The following SEC22C variants were observed in gnomAD, a reference collection of about 807,000 sequenced individuals.
The protein encoded by SEC22C is vesicle-trafficking protein SEC22c.
In SEC22C, 29 loss-of-function variants were observed where a neutral mutation model predicts 34.7. The observed-to-expected ratio is 0.84, with a 90% confidence interval of 0.62 to 1.14. SEC22C has a LOEUF of 1.14. Ranked by LOEUF, SEC22C falls within the 50% of genes most tolerant of loss-of-function variation. The pLI, the probability that SEC22C is intolerant of heterozygous loss-of-function variation, is 0.00. For missense variants in SEC22C, 337 were observed against 369.0 expected, an observed-to-expected ratio of 0.91 and a Z score of 0.71; for synonymous variants, 117 against 132.8, an observed-to-expected ratio of 0.88 and a Z score of 0.82.
rs1405335217 is a variant in SEC22C, at chr3:42,594,654, G to A, written c.-28+6306C>T. 8.4e-6 allele frequency: 5 copies of A among 592,364 alleles called. No individual in the cohort carries two copies. In the South Asian group the frequency reaches 9.9e-5, roughly 12 times the overall value. The allele number at this position is 592,364 out of a possible 1,614,324, so 36.7% of individuals were successfully genotyped here. A position where few individuals can be genotyped will look rare whatever the true frequency, so the allele number is the denominator to read the frequency against. ...GAAACCTCTGTGGCTCTTTCGAAACGTGAAAATGTGAAGAAAGCTACTAAC... is the reference window on the plus strand; with the variant it reads ...GAAACCTCTGTGGCTCTTTCGAAACATGAAAATGTGAAGAAAGCTACTAAC... On this transcript the variant is annotated intron_variant, in intron 1 of 6. Coordinates refer to the SEC22C transcript ENST00000417572.
chr3:42,589,077 A>G (rs1704718204), intron 1 of SEC22C, among the ~76,000 whole-genome samples: 1 of 151,994 alleles, frequency 6.6e-6, no homozygotes, highest in African/African-American at 2.4e-5. Context: ...AGCCTGACCA[A>G]TATGGTGAAA....
In SEC22C at chr3:42,548,533, T is replaced by C; in HGVS notation, c.*4715A>G. 3 of 1,523,360 alleles carry C rather than the reference T, an allele frequency of 2.0e-6. No individual in the cohort carries two copies. Among genetic ancestry groups the C allele is most frequent in the Middle Eastern group, 2.3e-4 (1 of 4,440 alleles). 94.4% of individuals were successfully genotyped at this position (1,523,360 alleles called of 1,614,324 possible). A position where few individuals can be genotyped will look rare whatever the true frequency, so the allele number is the denominator to read the frequency against. ...TTCCACAGGCTCCCTGCTGATGAGA[T>C]TTCCCCAGCAGCAGAAGTTTGACAT... On this transcript the variant is annotated 3_prime_UTR_variant, in exon 7 of 7. Coordinates refer to ENST00000264454, the MANE Select transcript of SEC22C (RefSeq NM_032970.4).
At chr3:42,584,728 A>G (rs141974261), upstream of SEC22C, among the ~76,000 whole-genome samples, 2 of 152,200 alleles carry the variant, frequency 1.3e-5, no homozygotes, top group African/African-American at 4.8e-5. Context: ...CCCTCCCACA[A>G]TGAGTCTCTG....
At chr3:42,591,781 C>G (rs1289329674) in intron 1 of SEC22C, among the ~76,000 whole-genome samples, 2 of 152,190 alleles carry the variant, frequency 1.3e-5, no homozygotes, top group Non-Finnish European at 2.9e-5. Flanking sequence ...GAGTACACTG[C>G]GGAGCCTGGA....
rs577358960 is a variant in SEC22C, at chr3:42,589,319, G to A, written c.-28+11641C>T. On this transcript the variant is annotated intron_variant, in intron 1 of 6. Coordinates refer to the SEC22C transcript ENST00000417572. ...ATGAAAGCTGCCTTTTCACAGGTTT[G>A]AATAAAGGGATTGTGGAGAGAAAGC... is the stretch of plus-strand genomic sequence containing the variant. 7.6e-4 allele frequency among the ~76,000 whole-genome samples: 115 copies of A among 152,214 alleles called. 1 individual carries two copies. The highest frequency in any genetic ancestry group is 1.3e-3 in the Non-Finnish European group (90 of 67,984).
In SEC22C at chr3:42,569,065, T is replaced by C. The variant is rs1163375626; in HGVS notation, c.-19A>G. On this transcript the variant is annotated 5_prime_UTR_variant, in exon 2 of 7. It removes an upstream start codon present in the reference 5' UTR. Coordinates refer to ENST00000264454, the MANE Select transcript of SEC22C (RefSeq NM_032970.4). ...CGGACATGGTCCACAAGAGAAGTCA[T>C]GAGGACACCTGAGGAAAGCAAGGTC... 1 of 1,606,274 alleles carries C rather than the reference T, an allele frequency of 6.2e-7. No individual in the cohort carries two copies. The highest frequency in any genetic ancestry group is 1.7e-5 in the Admixed American group (1 of 59,168).
chr3:42,563,881 C>G, intron 2 of SEC22C, 195 bp from the exon 3 acceptor site: 1 of 1,472,988 alleles, frequency 6.8e-7, no homozygotes, highest in East Asian at 2.9e-5. Context: ...TTTAAAATGT[C>G]TAGTAGTCTT....
chr3:42,593,645 C>A (rs1291528662), intron 1 of SEC22C, among the ~76,000 whole-genome samples: 4 of 152,060 alleles, frequency 2.6e-5, no homozygotes, highest in African/African-American at 9.7e-5. Flanking sequence ...AAAACAGATA[C>A]CAGCTCTGCA....
At chr3:42,554,998 A>AC (rs202220364) in intron 6 of SEC22C, among the ~76,000 whole-genome samples, 39 of 151,742 alleles carry the variant, frequency 2.6e-4, no homozygotes, top group East Asian at 3.9e-4. Context: ...AACAACAACA[A>AC]AAAAATCAGC....
rs1324296804 is a variant in SEC22C, at chr3:42,550,076, T to C, written c.*3172A>G. On this transcript the variant is annotated 3_prime_UTR_variant, in exon 7 of 7. Transcript: ENST00000264454. Reference sequence around the variant, plus strand: ...TTTACATGTTTCGTTCATTAGCATATTAGGGAAGGGGAAACCTTTTGGGCT... The same window carrying C: ...TTTACATGTTTCGTTCATTAGCATACTAGGGAAGGGGAAACCTTTTGGGCT... The C allele has an allele frequency of 5.1e-6, 5 of 985,452 alleles. No homozygotes were observed. The highest frequency in any genetic ancestry group is 6.0e-6 in the Non-Finnish European group (5 of 829,952). The allele number at this position is 985,452 out of a possible 1,614,324, so 61.0% of individuals were successfully genotyped here.
chr3:42,548,999 T>A lies in SEC22C; in HGVS notation c.*4249A>T. On this transcript the variant is annotated 3_prime_UTR_variant, in exon 7 of 7. Transcript: ENST00000264454. ...ATCACCATTTACCAGATGAGGAAAC[T>A]GAGGCCTGATGGGCAGTGATTTGTG... The A allele has an allele frequency of 3.8e-6, 4 of 1,042,054 alleles. No individual in the cohort carries two copies. The highest frequency in any genetic ancestry group is 4.7e-6 in the Non-Finnish European group (4 of 852,976). 64.6% of individuals were successfully genotyped at this position (1,042,054 alleles called of 1,614,324 possible). A position where few individuals can be genotyped will look rare whatever the true frequency, so the allele number is the denominator to read the frequency against.
At chr3:42,595,297 C>A (rs891713944) in intron 1 of SEC22C, among the ~76,000 whole-genome samples, 1 of 151,580 alleles carries the variant, frequency 6.6e-6, no homozygotes, top group African/African-American at 2.4e-5. Flanking sequence ...TCCTTTTTTT[C>A]TTTATTTGTT....
At chr3:42,579,068 G>A (rs1360132527) in intron 1 of SEC22C, among the ~76,000 whole-genome samples, 8 of 151,986 alleles carry the variant, frequency 5.3e-5, no homozygotes, top group East Asian at 3.9e-4. Flanking sequence ...ACCTGAGGTC[G>A]GGAGTTCGAG....
upstream of SEC22C, among the ~76,000 whole-genome samples, chr3:42,586,603 C>T (rs1264538141): frequency 1.3e-5 from 2 of 150,730 alleles, no homozygotes; most frequent in African/African-American, 4.9e-5. Context: ...AAAAAAAAGC[C>T]ATAACCCCCA....
chr3:42,600,939 C>T (rs1336116662), intron 1 of SEC22C: 14 of 1,254,824 alleles, frequency 1.1e-5, no homozygotes, highest in East Asian at 3.1e-5. Context: ...CCCTCGCCCC[C>T]GCCCTCGCCC....
intron 1 of SEC22C, among the ~76,000 whole-genome samples, chr3:42,572,252 T>C (rs1483023178): frequency 1.3e-5 from 2 of 148,894 alleles, no homozygotes; most frequent in South Asian, 2.1e-4. Context: ...AACTTTGTTC[T>C]CTCCAGTCAA....
At chr3:42,559,233 TAG>T (rs1702732523) in intron 4 of SEC22C, among the ~76,000 whole-genome samples, 1 of 152,204 alleles carries the variant, frequency 6.6e-6, no homozygotes, top group Non-Finnish European at 1.5e-5. Flanking sequence ...GTTAGTGTGT[TAG>T]AGTTTCCACT....
chr3:42,583,994 A>G (rs1193524873), upstream of SEC22C, among the ~76,000 whole-genome samples: 1 of 152,210 alleles, frequency 6.6e-6, no homozygotes, highest in African/African-American at 2.4e-5. Context: ...AGTCTAAGAC[A>G]GGGTAGTCTT....
chr3:42,556,160 A>G (rs1702514994), intron 5 of SEC22C, among the ~76,000 whole-genome samples, 165 bp from the exon 6 acceptor site: 1 of 152,326 alleles, frequency 6.6e-6, no homozygotes, highest in East Asian at 1.9e-4. Flanking sequence ...GGGTTAGCAT[A>G]CAATCGTTTT....
Sources: gnomAD v4.1 joint callset for allele counts (sites outside exome capture counted in the v4.1 genomes callset) on GRCh38, gnomAD v4.1.1 for gene constraint, MANE v1.5 for transcripts, NCBI Gene and HGNC (gene_info 2026-07-23, HGNC 2026-07-21) for gene names.